The following EFR3B variants were observed in gnomAD, a reference collection of about 807,000 sequenced individuals.
The protein encoded by EFR3B is EFR3 homolog B.
EFR3B carries 64 observed loss-of-function variants against 104.7 expected under a neutral mutation model. The ratio of observed to expected loss-of-function variants is 0.61; its 90% CI spans 0.50 to 0.75. The LOEUF is 0.75. EFR3B is among the 30% of genes least tolerant of loss of function. EFR3B has a pLI of 0.00. For synonymous variants in EFR3B, 385 were observed against 417.9 expected, an observed-to-expected ratio of 0.92 and a Z score of 0.96; for missense variants, 750 against 1,078.5, an observed-to-expected ratio of 0.70 and a Z score of 4.27.
At chr2:25,089,126 A>G (rs947114735) in intron 1 of EFR3B, among the ~76,000 whole-genome samples, 1 of 152,144 alleles carries the variant, frequency 6.6e-6, no homozygotes, top group Non-Finnish European at 1.5e-5. Flanking sequence ...AGAGAGCAGG[A>G]GGCAGCAGCC....
At chr2:25,128,838 C>T (rs886647697) in intron 6 of EFR3B, among the ~76,000 whole-genome samples, 1 of 151,642 alleles carries the variant, frequency 6.6e-6, no homozygotes, top group Non-Finnish European at 1.5e-5. Context: ...TGGCGGGCGC[C>T]TGTAGTCCCA....
In EFR3B at chr2:25,131,552, C is replaced by T; in HGVS notation, c.985+49C>T. On this transcript the variant is annotated intron_variant, in intron 9 of 22. Transcript: ENST00000403714. This position sits in a 1 kb window ranked among gnomAD's most constrained non-coding sequence, Gnocchi z 7.6. Reference sequence around the variant, plus strand: ...AGGGCCGGGGACCCCGCGGAGGCTGCCGCCTCTTACAGAGAGAGGCAAGGG... The same window carrying T: ...AGGGCCGGGGACCCCGCGGAGGCTGTCGCCTCTTACAGAGAGAGGCAAGGG... 6.5e-7 allele frequency: 1 copy of T among 1,542,976 alleles called. No individual in the cohort carries two copies.
chr2:25,090,612 A>C (rs547544546), intron 1 of EFR3B, among the ~76,000 whole-genome samples: 1 of 152,312 alleles, frequency 6.6e-6, no homozygotes, highest in Non-Finnish European at 1.5e-5. Flanking sequence ...CACAAACCGG[A>C]TGCCCCTCAA....
chr2:25,081,728 C>T (rs1252455707), intron 1 of EFR3B: 6 of 467,588 alleles, frequency 1.3e-5, no homozygotes, highest in East Asian at 6.6e-5. Flanking sequence ...CGCCTGCAGC[C>T]GCACAGGCCC....
At chr2:25,063,670 A>G (rs1286285799) in intron 1 of EFR3B, among the ~76,000 whole-genome samples, 1 of 152,166 alleles carries the variant, frequency 6.6e-6, no homozygotes, top group African/African-American at 2.4e-5. Context: ...AAACCTCCTA[A>G]CCGATTGTGA....
chr2:25,045,426 G>A (rs1318832205), intron 1 of EFR3B, among the ~76,000 whole-genome samples: 1 of 152,200 alleles, frequency 6.6e-6, no homozygotes. Flanking sequence ...TACTGGGGTG[G>A]GAAGATCATT....
Position 25,098,831 on chromosome 2 carries a change from A to ATTTT in EFR3B, c.213-4783_213-4780dup, listed in dbSNP as rs11416666. Among the ~76,000 whole-genome samples, 32 of 83,806 alleles carry ATTTT rather than the reference A, an allele frequency of 3.8e-4. 2 individuals are homozygous for ATTTT. The highest frequency in any genetic ancestry group is 6.2e-4 in the African/African-American group (12 of 19,268). The allele number at this position is 83,806 out of a possible 152,430, so 55.0% of individuals were successfully genotyped here. On this transcript the variant is annotated intron_variant, in intron 3 of 22. Coordinates refer to ENST00000403714, the MANE Select transcript of EFR3B (RefSeq NM_014971.2). ...ACTTTCCACTCCTGGTAAGTAGCCA[A>ATTTT]TTTTTTTTTTTTTTTTTTTTTTTTT...
Position 25,131,665 on chromosome 2 carries a change from C to A in EFR3B, c.986-85C>A, listed in dbSNP as rs1219868852. The A allele has an allele frequency of 3.4e-6, 5 of 1,483,108 alleles. No individual in the cohort carries two copies. The African/African-American group carries it at 5.6e-5, about 17-fold the overall frequency. The allele number at this position is 1,483,108 out of a possible 1,614,324, so 91.9% of individuals were successfully genotyped here. A position where few individuals can be genotyped will look rare whatever the true frequency, so the allele number is the denominator to read the frequency against. ...AGAGGAAGCCCAGGCTGGAAGGGGG[C>A]GTGACCCTGCCCTGCCTGCGCGCGG... On this transcript the variant is annotated intron_variant, in intron 9 of 22. Transcript: ENST00000403714. This position sits in a 1 kb window ranked among gnomAD's most constrained non-coding sequence, Gnocchi z 7.6.
At chr2:25,144,340 C>G (rs533702523) in intron 18 of EFR3B, among the ~76,000 whole-genome samples, 7 of 152,210 alleles carry the variant, frequency 4.6e-5, no homozygotes, top group Admixed American at 3.9e-4. Context: ...CTCAAGGGTT[C>G]AAGACCAGCC....
chr2:25,129,997 G>A lies in EFR3B; in HGVS notation c.658G>A (p.Ala220Thr). The change falls in exon 7 of 23, where the codon GCA (alanine) becomes ACA (threonine). Residue 220 changes from alanine to threonine, a missense_variant. Coordinates refer to ENST00000403714, the MANE Select transcript of EFR3B (RefSeq NM_014971.2). ...CAGCCGGTCTCCCTCACCCCTCCAA[G>A]CACCTGAGAAGGAGAAAGAGAGCCC... ...AESRSPSPLQ[A>T]PEKEKESPAE... is the part of the protein sequence containing the mutation. 6.4e-7 allele frequency: 1 copy of A among 1,551,706 alleles called. No homozygotes were observed. Among genetic ancestry groups the A allele is most frequent in the Non-Finnish European group, 8.7e-7 (1 of 1,147,016 alleles).
chr2:25,053,800 A>G (rs564192271), intron 1 of EFR3B, among the ~76,000 whole-genome samples: 1 of 152,242 alleles, frequency 6.6e-6, no homozygotes, highest in South Asian at 2.1e-4. Context: ...CCAGCTACTC[A>G]GGAGGCTGAG....
chr2:25,100,411 A>G (rs1248633654), intron 3 of EFR3B, among the ~76,000 whole-genome samples: 2 of 152,116 alleles, frequency 1.3e-5, no homozygotes, highest in Non-Finnish European at 2.9e-5. Context: ...GCCTTTTGCT[A>G]CTTTATTTTG....
At chr2:25,105,881 G>A (rs942649934) in intron 4 of EFR3B, among the ~76,000 whole-genome samples, 3 of 152,202 alleles carry the variant, frequency 2.0e-5, no homozygotes, top group Admixed American at 6.5e-5. Context: ...ATTCCCCATC[G>A]CAGTGAATCA....
Position 25,131,772 on chromosome 2 carries a change from C to G in EFR3B, c.1008C>G (p.Phe336Leu). ...GSVGPTVLEM[F>L]NTLLRQLRLS... ...CAGGGCCCACAGTACTGGAGATGTTCAACACGCTGCTGAGGCAGCTGCGGC... is the reference window on the plus strand; with the variant it reads ...CAGGGCCCACAGTACTGGAGATGTTGAACACGCTGCTGAGGCAGCTGCGGC... Residue 336 changes from phenylalanine to leucine, a missense_variant, in exon 10 of 23, where the codon TTC (phenylalanine) becomes TTG (leucine). Physicochemically the swap from Phe to Leu is conservative, Grantham distance 22 (BLOSUM62 0). Transcript: ENST00000403714. This position sits in a 1 kb window ranked among gnomAD's most constrained non-coding sequence, Gnocchi z 7.6. 6.5e-7 allele frequency: 1 copy of G among 1,535,650 alleles called. No individual in the cohort carries two copies. The highest frequency in any genetic ancestry group is 8.8e-7 in the Non-Finnish European group (1 of 1,139,462).
chr2:25,142,985 T>A (rs1158180903), intron 17 of EFR3B, among the ~76,000 whole-genome samples: 1 of 146,638 alleles, frequency 6.8e-6, no homozygotes, highest in Non-Finnish European at 1.5e-5. Flanking sequence ...TGGCGGCTCA[T>A]GCCTGTAATC....
chr2:25,157,736 G>A lies in EFR3B; in HGVS notation c.*3396G>A, dbSNP rs182959751. 9.7e-4 allele frequency: 147 copies of A among 152,300 alleles called. 1 individual carries two copies. Among genetic ancestry groups the A allele is most frequent in the African/African-American group, 3.4e-3 (140 of 41,540 alleles). 9.4% of individuals were successfully genotyped at this position (152,300 alleles called of 1,614,324 possible). On this transcript the variant is annotated 3_prime_UTR_variant, in exon 23 of 23. Coordinates refer to ENST00000403714, the MANE Select transcript of EFR3B (RefSeq NM_014971.2). ...CGGCAGAAAGCATCAGTGTGGTCCC[G>A]AGGCTCCCTCTGTTTTCCTTGCCAT...
chr2:25,042,142 C>G lies in EFR3B; in HGVS notation c.-171C>G, dbSNP rs567510971. 4 of 542,600 alleles carry G rather than the reference C, an allele frequency of 7.4e-6. No homozygotes were observed. Among genetic ancestry groups the G allele is most frequent in the Non-Finnish European group, 1.1e-5 (4 of 375,500 alleles). 33.6% of individuals were successfully genotyped at this position (542,600 alleles called of 1,614,324 possible). A position where few individuals can be genotyped will look rare whatever the true frequency, so the allele number is the denominator to read the frequency against. On this transcript the variant is annotated 5_prime_UTR_variant, in exon 1 of 23. Coordinates refer to ENST00000403714, the MANE Select transcript of EFR3B (RefSeq NM_014971.2). The surrounding 1 kb of genome is among the most constrained non-coding windows in gnomAD (Gnocchi z 5.4). Reference sequence around the variant, plus strand: ...CGGCGCTGAATGGGCTGGCGGCGCCCGGCTCCGTCCTGCCCGCGGCCGGCC... The same window carrying G: ...CGGCGCTGAATGGGCTGGCGGCGCCGGGCTCCGTCCTGCCCGCGGCCGGCC...
In EFR3B at chr2:25,154,282, C is replaced by G. The variant is rs1452052060; in HGVS notation, c.2396C>G (p.Pro799Arg). ...SGTITAAYGQ[P>R]QNHSIPVYEM... The stretch of plus-strand genomic sequence containing the variant: ...ACCATCACTGCAGCCTACGGTCAGC[C>G]GCAGAACCACTCCATCCCCGTCTAT... The change falls in exon 23 of 23, where the codon CCG becomes CGG. Residue 799 changes from proline (P) to arginine (R), a missense_variant. Physicochemically the swap from Pro to Arg is moderately radical, Grantham distance 103. Transcript: ENST00000403714. This position sits in a 1 kb window ranked among gnomAD's most constrained non-coding sequence, Gnocchi z 4.1. 7.1e-6 allele frequency: 11 copies of G among 1,551,874 alleles called. No homozygotes were observed. The African/African-American group carries it at 1.5e-4, about 21-fold the overall frequency.
chr2:25,093,197 CT>C, intron 3 of EFR3B, 67 bp downstream of exon 3: 2 of 1,515,034 alleles, frequency 1.3e-6, no homozygotes. Context: ...ACATAGGGTC[CT>C]TTTAAGAAAA....
Sources: gnomAD v4.1 joint callset for allele counts (sites outside exome capture counted in the v4.1 genomes callset) on GRCh38, gnomAD v4.1.1 for gene constraint, Gnocchi (gnomAD v3.1) non-coding constraint, MANE v1.5 for transcripts, NCBI Gene and HGNC (gene_info 2026-07-23, HGNC 2026-07-21) for gene names.